Variants in NKAIN3 observed in about 807,000 individuals in gnomAD.
NKAIN3 encodes sodium/potassium transporting ATPase interacting 3.
A neutral mutation model predicts 30.2 loss-of-function variants in NKAIN3; 25 were observed. The ratio of observed to expected loss-of-function variants is 0.83; its 90% confidence interval spans 0.60 to 1.16. NKAIN3 has a LOEUF of 1.16. Among genes scored for constraint, NKAIN3 ranks in the 50% most tolerant of loss-of-function variants. The pLI is 0.00. For synonymous variants in NKAIN3, 91 were observed against 89.6 expected, an observed-to-expected ratio of 1.02 and a Z score of -0.09; for missense variants, 225 against 254.1, an observed-to-expected ratio of 0.89 and a Z score of 0.78.
chr8:62,646,213 G>A (rs1812456199), intron 3 of NKAIN3, among the ~76,000 whole-genome samples: 1 of 149,880 alleles, frequency 6.7e-6, no homozygotes. Flanking sequence ...CCATGAAACA[G>A]TTTTATCCTC....
intron 1 of NKAIN3, among the ~76,000 whole-genome samples, chr8:62,530,490 T>G (rs1028134539): frequency 2.0e-5 from 3 of 152,140 alleles, no homozygotes; most frequent in African/African-American, 7.2e-5. Context: ...GGATTACTTT[T>G]GAAAGCAACA....
intron 1 of NKAIN3, among the ~76,000 whole-genome samples, chr8:62,518,085 G>C (rs113031155): frequency 2.9e-3 from 445 of 152,262 alleles, no homozygotes; most frequent in African/African-American, 9.3e-3. Flanking sequence ...TTTGGGCCAG[G>C]CACAGTGGCT....
intron 1 of NKAIN3, among the ~76,000 whole-genome samples, chr8:62,407,250 GTA>G (rs371657257): frequency 8.7e-4 from 131 of 150,378 alleles, no homozygotes; most frequent in African/African-American, 2.9e-3. Context: ...ACAGCTATAT[GTA>G]TATATATATA....
At chr8:62,355,360 T>C (rs1440469275) in intron 1 of NKAIN3, among the ~76,000 whole-genome samples, 2 of 152,182 alleles carry the variant, frequency 1.3e-5, no homozygotes, top group Admixed American at 1.3e-4. Flanking sequence ...TGTTTCTAAA[T>C]ATCCAGGTTG....
At chr8:62,287,404 G>A (rs574896101) in intron 1 of NKAIN3, among the ~76,000 whole-genome samples, 2 of 152,050 alleles carry the variant, frequency 1.3e-5, no homozygotes, top group South Asian at 2.1e-4. Context: ...ATGTGAACTA[G>A]GGCAACACAA....
chr8:62,943,522 A>G (rs1176641005), intron 5 of NKAIN3, among the ~76,000 whole-genome samples: 1 of 152,100 alleles, frequency 6.6e-6, no homozygotes, highest in Non-Finnish European at 1.5e-5. Flanking sequence ...CATTTGATCC[A>G]GCAATCCCAC....
At chr8:62,278,693 A>G (rs972389310) in intron 1 of NKAIN3, among the ~76,000 whole-genome samples, 1 of 152,128 alleles carries the variant, frequency 6.6e-6, no homozygotes, top group East Asian at 1.9e-4. Context: ...CCATGTCCCT[A>G]TAAAGGACAT....
chr8:62,315,250 G>A (rs1297503646), intron 1 of NKAIN3, among the ~76,000 whole-genome samples: 1 of 152,156 alleles, frequency 6.6e-6, no homozygotes, highest in Non-Finnish European at 1.5e-5. Context: ...CTCTTATATA[G>A]CAACTTTCCA....
intron 1 of NKAIN3, among the ~76,000 whole-genome samples, chr8:62,359,567 A>C (rs1039726142): frequency 1.3e-5 from 2 of 152,214 alleles, no homozygotes; most frequent in African/African-American, 4.8e-5. Context: ...CATGTCTCCC[A>C]TGCTCCACTC....
At chr8:62,543,553 C>T (rs1160069903) in intron 1 of NKAIN3, among the ~76,000 whole-genome samples, 3 of 152,166 alleles carry the variant, frequency 2.0e-5, no homozygotes, top group Admixed American at 6.5e-5. Context: ...TTAGTGGAAA[C>T]ATAGATGCCA....
intron 3 of NKAIN3, among the ~76,000 whole-genome samples, chr8:62,597,218 C>T (rs1810861198): frequency 6.6e-6 from 1 of 152,026 alleles, no homozygotes; most frequent in Non-Finnish European, 1.5e-5. Context: ...AAAGAAAAGT[C>T]TTGCCCCGTT....
intron 1 of NKAIN3, among the ~76,000 whole-genome samples, chr8:62,501,769 G>A (rs554089971): frequency 1.2e-4 from 18 of 152,212 alleles, no homozygotes; most frequent in East Asian, 5.8e-4. Flanking sequence ...ATAAGCCACT[G>A]GGCTTACATT....
chr8:62,666,754 A>G (rs1357790325), intron 3 of NKAIN3, among the ~76,000 whole-genome samples: 1 of 152,152 alleles, frequency 6.6e-6, no homozygotes, highest in Non-Finnish European at 1.5e-5. Flanking sequence ...TGCCAAATAG[A>G]ACTTTAATGC....
chr8:62,642,148 A>C (rs1254639502), intron 3 of NKAIN3, among the ~76,000 whole-genome samples: 2 of 152,114 alleles, frequency 1.3e-5, no homozygotes, highest in African/African-American at 4.8e-5. Flanking sequence ...TGACAAAAAC[A>C]ATGCTCCTAC....
intron 3 of NKAIN3, among the ~76,000 whole-genome samples, chr8:62,666,463 G>A (rs1813105047): frequency 6.6e-6 from 1 of 151,988 alleles, no homozygotes; most frequent in Admixed American, 6.6e-5. Context: ...GTATGAAAAA[G>A]CATTACAGAG....
chr8:62,325,624 C>T (rs1403729326), intron 1 of NKAIN3, among the ~76,000 whole-genome samples: 2 of 152,084 alleles, frequency 1.3e-5, no homozygotes, highest in Non-Finnish European at 2.9e-5. Flanking sequence ...TCCCTTTTCT[C>T]CACATCCATG....
At chr8:62,358,428 G>C (rs562308758) in intron 1 of NKAIN3, among the ~76,000 whole-genome samples, 1 of 152,054 alleles carries the variant, frequency 6.6e-6, no homozygotes, top group Admixed American at 6.6e-5. Flanking sequence ...AAAATGCTAC[G>C]TAAGCCAAAT....
intron 4 of NKAIN3, among the ~76,000 whole-genome samples, chr8:62,869,326 G>GC (rs1245009486): frequency 4.6e-5 from 7 of 152,066 alleles, no homozygotes; most frequent in Admixed American, 1.3e-4. Flanking sequence ...GCCACCCGGC[G>GC]CCCCCCGCCC....
intron 5 of NKAIN3, among the ~76,000 whole-genome samples, chr8:62,940,360 TAGAC>T (rs1392703216): frequency 6.6e-6 from 1 of 152,022 alleles, no homozygotes; most frequent in African/African-American, 2.4e-5. Flanking sequence ...GCAGGTGATA[TAGAC>T]AGAAAGTCAA....
Sources: allele counts gnomAD v4.1 joint callset (sites outside exome capture counted in the v4.1 genomes callset), GRCh38; gene constraint gnomAD v4.1.1; transcripts MANE v1.5; gene names NCBI Gene and HGNC (gene_info 2026-07-23, HGNC 2026-07-21).